The following SEL1L2 variants were observed in gnomAD, a reference collection of about 807,000 sequenced individuals.
The protein encoded by SEL1L2 is protein sel-1 homolog 2.
A neutral mutation model predicts 98.8 loss-of-function variants in SEL1L2; 89 were observed. The observed-to-expected ratio is 0.90, with a 90% CI of 0.76 to 1.07. The LOEUF is 1.07. SEL1L2 is among the 50% of genes least tolerant of loss of function. The pLI is 0.00. For missense variants in SEL1L2, 788 were observed against 812.0 expected, an observed-to-expected ratio of 0.97 and a Z score of 0.36; for synonymous variants, 262 against 278.5, an observed-to-expected ratio of 0.94 and a Z score of 0.59.
chr20:13,947,899 G>T (rs1267130798), intron 2 of SEL1L2, among the ~76,000 whole-genome samples: 3 of 152,230 alleles, frequency 2.0e-5, no homozygotes, highest in Non-Finnish European at 2.9e-5. Flanking sequence ...GGTGTGCCTG[G>T]CTGTGCACAG....
chr20:13,877,790 G>A (rs895039914), intron 10 of SEL1L2, among the ~76,000 whole-genome samples: 1 of 152,164 alleles, frequency 6.6e-6, no homozygotes. Flanking sequence ...TGAGGAGTGG[G>A]AGAGTGTCTA....
chr20:13,875,498 T>C (rs2046389901), intron 12 of SEL1L2, among the ~76,000 whole-genome samples: 1 of 152,228 alleles, frequency 6.6e-6, no homozygotes, highest in South Asian at 2.1e-4. Flanking sequence ...TAGTCAGTTT[T>C]AGGGCTGCCA....
chr20:13,882,977 C>T (rs6042410), intron 10 of SEL1L2, among the ~76,000 whole-genome samples: 11,563 of 151,854 alleles, frequency 0.076, 442 homozygotes, highest in African/African-American at 0.094. Flanking sequence ...CCACTACGCC[C>T]GGCTAATTTT....
At chr20:13,942,623 T>C (rs1238945738) in intron 2 of SEL1L2, among the ~76,000 whole-genome samples, 1 of 151,448 alleles carries the variant, frequency 6.6e-6, no homozygotes, top group Non-Finnish European at 1.5e-5. Flanking sequence ...AAGTCCAACA[T>C]TAAATAATAC....
chr20:13,987,321 T>TG (rs1461625682), intron 1 of SEL1L2, among the ~76,000 whole-genome samples: 3 of 145,272 alleles, frequency 2.1e-5, no homozygotes, highest in East Asian at 4.1e-4. Context: ...GTTTTTTTTT[T>TG]TTTTTTTTTT....
At chr20:13,970,893 CTA>C (rs2051255550) in intron 1 of SEL1L2, among the ~76,000 whole-genome samples, 1 of 148,548 alleles carries the variant, frequency 6.7e-6, no homozygotes, top group Non-Finnish European at 1.5e-5. Context: ...ATATATATTA[CTA>C]TATATATTAT....
Position 13,931,785 on chromosome 20 carries a change from G to T in SEL1L2, c.115-14C>A, listed in dbSNP as rs1418015504. On this transcript the variant is annotated splice_polypyrimidine_tract_variant and intron_variant, in intron 2 of 19. Coordinates refer to ENST00000284951, the MANE Select transcript of SEL1L2 (RefSeq NM_025229.2). The stretch of plus-strand genomic sequence containing the variant: ...GTTCACTGATACCTACAAAGAAAAA[G>T]ACTGTTGCTCATTTTGTTCATGTGT... 4 of 1,493,024 alleles carry T rather than the reference G, an allele frequency of 2.7e-6. No individual in the cohort carries two copies. The highest frequency in any genetic ancestry group is 3.6e-6 in the Non-Finnish European group (4 of 1,123,976). The allele number at this position is 1,493,024 out of a possible 1,614,324, so 92.5% of individuals were successfully genotyped here.
chr20:13,908,161 A>G (rs1320134211), intron 5 of SEL1L2, among the ~76,000 whole-genome samples: 1 of 111,210 alleles, frequency 9.0e-6, no homozygotes, highest in Non-Finnish European at 1.7e-5. Flanking sequence ...TCTGTTGCCC[A>G]GGCTGGAGTG....
chr20:13,931,187 G>A (rs1169389555), intron 3 of SEL1L2, among the ~76,000 whole-genome samples: 1 of 151,820 alleles, frequency 6.6e-6, no homozygotes, highest in East Asian at 2.0e-4. Flanking sequence ...GGGACTACAG[G>A]TGCCCGCCAC....
intron 2 of SEL1L2, among the ~76,000 whole-genome samples, chr20:13,945,773 G>T (rs547145607): frequency 6.6e-6 from 1 of 151,934 alleles, no homozygotes; most frequent in East Asian, 1.9e-4. Flanking sequence ...TGATATGCAA[G>T]GATGGTTCAA....
intron 2 of SEL1L2, 66 bp from the exon 3 acceptor site, chr20:13,931,837 A>G: frequency 7.6e-7 from 1 of 1,322,858 alleles, no homozygotes; most frequent in Non-Finnish European, 1.0e-6. Flanking sequence ...AAACAACAGG[A>G]AAGTGAAAAT....
At chr20:13,989,486 T>C (rs1338333436) in intron 1 of SEL1L2, among the ~76,000 whole-genome samples, 1 of 152,232 alleles carries the variant, frequency 6.6e-6, no homozygotes, top group African/African-American at 2.4e-5. Context: ...TTGCCATAGC[T>C]AGAACTTCCA....
At chr20:13,895,889 T>C (rs546533165) in intron 5 of SEL1L2, among the ~76,000 whole-genome samples, 1 of 152,328 alleles carries the variant, frequency 6.6e-6, no homozygotes, top group East Asian at 1.9e-4. Flanking sequence ...AACTAATAAA[T>C]GGACCAGGTG....
chr20:13,914,018 A>G, intron 4 of SEL1L2, 74 bp from the exon 5 acceptor site: 1 of 1,295,566 alleles, frequency 7.7e-7, no homozygotes, highest in South Asian at 1.5e-5. Context: ...CACTATTCAT[A>G]CTACTTCTCT....
chr20:13,907,940 G>C (rs2048037168), intron 5 of SEL1L2, among the ~76,000 whole-genome samples: 1 of 149,030 alleles, frequency 6.7e-6, no homozygotes, highest in African/African-American at 2.5e-5. Context: ...AGCACTCCTG[G>C]CTAATACTTA....
chr20:13,861,332 T>C (rs1262291483), intron 17 of SEL1L2, among the ~76,000 whole-genome samples: 1 of 151,914 alleles, frequency 6.6e-6, no homozygotes. Context: ...TGCACCAACA[T>C]GCCCGTATTC....
At chr20:13,984,419 C>G (rs2052039045) in intron 1 of SEL1L2, among the ~76,000 whole-genome samples, 1 of 152,188 alleles carries the variant, frequency 6.6e-6, no homozygotes, top group Admixed American at 6.5e-5. Flanking sequence ...TCCCCATTCT[C>G]TGTGGCATTT....
chr20:13,967,879 C>G (rs1292766888), intron 1 of SEL1L2, among the ~76,000 whole-genome samples: 1 of 152,118 alleles, frequency 6.6e-6, no homozygotes, highest in African/African-American at 2.4e-5. Flanking sequence ...GGGAGCTATT[C>G]CATTCCTCTC....
chr20:13,958,136 A>C (rs2050623655), intron 1 of SEL1L2, among the ~76,000 whole-genome samples: 2 of 152,198 alleles, frequency 1.3e-5, no homozygotes, highest in African/African-American at 4.8e-5. Flanking sequence ...TAAGTCAAAC[A>C]GGCCTATATT....
Sources: gnomAD v4.1 joint callset for allele counts (sites outside exome capture counted in the v4.1 genomes callset) on GRCh38, gnomAD v4.1.1 for gene constraint, MANE v1.5 for transcripts, NCBI Gene and HGNC (gene_info 2026-07-23, HGNC 2026-07-21) for gene names.